PRPF8: variants seen among roughly 807,000 people sequenced by gnomAD.
PRPF8 encodes pre-mRNA processing factor 8, also known as pre-mRNA-processing-splicing factor 8.
Under a neutral mutation model 285.9 loss-of-function variants are expected in PRPF8, and 64 were observed. The ratio of observed to expected loss-of-function variants is 0.22; its 90% CI spans 0.18 to 0.28. The LOEUF is 0.28. Ranked by LOEUF, PRPF8 falls within the 10% of genes least tolerant of loss-of-function variation. The pLI, the probability that PRPF8 is intolerant of heterozygous loss-of-function variation, is 1.00. For synonymous variants in PRPF8, 1,325 were observed against 1,118.2 expected (o/e 1.18, Z -3.69); for missense variants, 1,426 against 3,026.7 (o/e 0.47, Z 12.41).
In PRPF8 at chr17:1,659,607, A is replaced by T; in HGVS notation, c.4947-59T>A. The T allele has an allele frequency of 1.9e-6, 3 of 1,594,984 alleles. No individual in the cohort carries two copies. The South Asian group carries it at 3.3e-5, about 18-fold the overall frequency. ...CCATGGGCATAACCAATGTCCCCAG[A>T]ACCAGAACCACTTAAATCCCAAAAC... On this transcript the variant is annotated intron_variant, in intron 31 of 42. Transcript: ENST00000304992. The surrounding 1 kb of genome is among the most constrained non-coding windows in gnomAD (Gnocchi z 5.1).
intron 24 of PRPF8, among the ~76,000 whole-genome samples, chr17:1,665,559 G>A (rs1911925252): frequency 6.7e-6 from 1 of 150,242 alleles, no homozygotes; most frequent in Admixed American, 6.7e-5. Flanking sequence ...AACGAGAAAG[G>A]TCAGCTGGGC....
At chr17:1,663,806 G>C (rs927423289) in intron 24 of PRPF8, among the ~76,000 whole-genome samples, 59 of 137,552 alleles carry the variant, frequency 4.3e-4, no homozygotes, top group African/African-American at 1.6e-3. Flanking sequence ...ACAGTAAAAA[G>C]ATGGAAAAAT....
rs1256709456 is a variant in PRPF8, at chr17:1,684,467, C to A, written c.100+5G>T. The A allele has an allele frequency of 1.9e-6, 3 of 1,612,508 alleles. No homozygotes were observed. The African/African-American group carries it at 4.0e-5, about 22-fold the overall frequency. The stretch of plus-strand genomic sequence containing the variant: ...CCCGCGCGCCGCTCCACACTCTCGC[C>A]TCACCTTTCTCCTGCAGCTTCTCCT... On this transcript the variant is annotated splice_donor_5th_base_variant and intron_variant, in intron 2 of 42. Transcript: ENST00000304992.
Position 1,651,832 on chromosome 17 carries a change from G to T in PRPF8, c.6370-44C>A. 6.2e-7 allele frequency: 1 copy of T among 1,605,398 alleles called. No individual in the cohort carries two copies. The highest frequency in any genetic ancestry group is 8.5e-7 in the Non-Finnish European group (1 of 1,172,918). ...GGAACCAAAACTCTTCTTAGTACCA[G>T]GTCAGAGTTGGAGCTGCCAGCCCTC... is the stretch of plus-strand genomic sequence containing the variant. On this transcript the variant is annotated intron_variant, in intron 39 of 42. Transcript: ENST00000304992. This position sits in a 1 kb window ranked among gnomAD's most constrained non-coding sequence, Gnocchi z 5.1.
In PRPF8 at chr17:1,676,198, A is replaced by G. The variant is rs752326442; in HGVS notation, c.2552+9T>C. ...TTCCCAGCAGGAACCTATCTACCCT[A>G]CTACTCACCTATAAGCTTCCTTGAG... is the stretch of plus-strand genomic sequence containing the variant. On this transcript the variant is annotated intron_variant, in intron 17 of 42. Transcript: ENST00000304992. This position sits in a 1 kb window ranked among gnomAD's most constrained non-coding sequence, Gnocchi z 6.3. The G allele has an allele frequency of 1.2e-6, 2 of 1,613,288 alleles. No homozygotes were observed. The highest frequency in any genetic ancestry group is 3.3e-5 in the Admixed American group (2 of 60,006).
At chr17:1,677,773 C>T in intron 13 of PRPF8, 79 bp from the exon 14 acceptor site, 1 of 1,549,066 alleles carries the variant, frequency 6.5e-7, no homozygotes, top group African/African-American at 1.4e-5. Flanking sequence ...AGAGGTGGGG[C>T]ATATATGTAT....
chr17:1,683,814 G>A (rs62089993), intron 2 of PRPF8, 113 bp from the exon 3 acceptor site: 3 of 1,268,590 alleles, frequency 2.4e-6, no homozygotes, highest in South Asian at 1.3e-5. Flanking sequence ...GGCACCAGCA[G>A]GAAGAAGCAC....
chr17:1,675,050 G>A lies in PRPF8; in HGVS notation c.3060+102C>T. 4 of 1,397,594 alleles carry A rather than the reference G, an allele frequency of 2.9e-6. No individual in the cohort carries two copies. In the South Asian group the frequency reaches 3.5e-5, roughly 12 times the overall value. The allele number at this position is 1,397,594 out of a possible 1,614,324, so 86.6% of individuals were successfully genotyped here. ...AGCCTCCCAAAGTGCTGGGATTACA[G>A]GCATGAGCCACCGCACCCAGCCTCC... On this transcript the variant is annotated intron_variant, in intron 20 of 42. Coordinates refer to ENST00000304992, the MANE Select transcript of PRPF8 (RefSeq NM_006445.4). This position sits in a 1 kb window ranked among gnomAD's most constrained non-coding sequence, Gnocchi z 6.0.
At chr17:1,652,545 T>C (rs1327173999) in intron 39 of PRPF8, among the ~76,000 whole-genome samples, 10 of 152,126 alleles carry the variant, frequency 6.6e-5, no homozygotes, top group South Asian at 2.1e-4. Context: ...AGTAAAGTTA[T>C]GCATCTTTTC....
At chr17:1,665,365 C>T (rs142583593) in intron 24 of PRPF8, among the ~76,000 whole-genome samples, 3,828 of 150,312 alleles carry the variant, frequency 0.025, 72 homozygotes, top group Middle Eastern at 0.041. Context: ...CGGTGAAACC[C>T]GTCTCTACTA....
chr17:1,672,881 A>C (rs984855794), intron 24 of PRPF8, 200 bp downstream of exon 24: 8 of 629,904 alleles, frequency 1.3e-5, no homozygotes, highest in Non-Finnish European at 2.0e-5. Flanking sequence ...AGGAGGCTAC[A>C]CAATTTCTAC....
chr17:1,650,728 C>A lies in PRPF8; in HGVS notation c.*74G>T. On this transcript the variant is annotated 3_prime_UTR_variant, in exon 43 of 43. Transcript: ENST00000304992. ...AGACAGAGGGAAAGAGGCCAAACTG[C>A]TGAATGTCAGCGGCCTGTCTGGAGG... 1 of 1,573,294 alleles carries A rather than the reference C, an allele frequency of 6.4e-7. No homozygotes were observed. Among genetic ancestry groups the A allele is most frequent in the Non-Finnish European group, 8.7e-7 (1 of 1,144,900 alleles).
chr17:1,656,234 T>C (rs1023058293), intron 36 of PRPF8, among the ~76,000 whole-genome samples, 158 bp downstream of exon 36: 4 of 152,156 alleles, frequency 2.6e-5, no homozygotes, highest in Non-Finnish European at 5.9e-5. Context: ...CAAGAGTTGA[T>C]TTTTAACTTT....
At chr17:1,668,899 T>C (rs911775366) in intron 24 of PRPF8, among the ~76,000 whole-genome samples, 2 of 152,060 alleles carry the variant, frequency 1.3e-5, no homozygotes, top group Non-Finnish European at 2.9e-5. Context: ...CATACCCTAA[T>C]ACCATGAAAT....
chr17:1,679,339 T>C lies in PRPF8; in HGVS notation c.1361A>G (p.Tyr454Cys), dbSNP rs746291879. 3.1e-6 allele frequency: 5 copies of C among 1,614,054 alleles called. No homozygotes were observed. Among genetic ancestry groups the C allele is most frequent in the South Asian group, 1.1e-5 (1 of 91,078 alleles). Residue 454 changes from tyrosine (Y) to cysteine (C), a missense_variant, in exon 10 of 43, where the codon TAT becomes TGT. Physicochemically the swap from Tyr to Cys is radical, Grantham distance 194. Coordinates refer to ENST00000304992, the MANE Select transcript of PRPF8 (RefSeq NM_006445.4). This position sits in a 1 kb window ranked among gnomAD's most constrained non-coding sequence, Gnocchi z 4.7. Reference sequence around the variant, plus strand: ...CCGATGCTTCAGGGCATTCAGCACATAGTACTTAAGCAGCTTCTGGTAGGA... The same window carrying C: ...CCGATGCTTCAGGGCATTCAGCACACAGTACTTAAGCAGCTTCTGGTAGGA... ...RVSYQKLLKY[Y>C]VLNALKHRPP...
At chr17:1,681,443 C>G in intron 6 of PRPF8, 35 bp downstream of exon 6, 6 of 1,533,480 alleles carry the variant, frequency 3.9e-6, no homozygotes, top group Non-Finnish European at 5.4e-6. Flanking sequence ...TCATTCAACT[C>G]AAAATGTCTA....
At chr17:1,681,794 G>A (rs200057106) in intron 5 of PRPF8, 26 bp downstream of exon 5, 18 of 1,612,680 alleles carry the variant, frequency 1.1e-5, no homozygotes, top group Non-Finnish European at 1.5e-5. Flanking sequence ...CTCCTCCCAG[G>A]TGTAGTATCT....
At chr17:1,666,355 C>G (rs1010655923) in intron 24 of PRPF8, among the ~76,000 whole-genome samples, 4 of 151,860 alleles carry the variant, frequency 2.6e-5, no homozygotes, top group Non-Finnish European at 5.9e-5. Flanking sequence ...TCAAGACCAG[C>G]CTGGGCAACA....
chr17:1,656,895 A>G, intron 34 of PRPF8, 134 bp from the exon 35 acceptor site: 1 of 849,648 alleles, frequency 1.2e-6, no homozygotes, highest in Non-Finnish European at 1.9e-6. Flanking sequence ...GGCACTTAGA[A>G]GGTACAAAGA....
Sources: allele counts gnomAD v4.1 joint callset (sites outside exome capture counted in the v4.1 genomes callset), GRCh38; gene constraint gnomAD v4.1.1; non-coding constraint Gnocchi (gnomAD v3.1); transcripts MANE v1.5; gene names NCBI Gene and HGNC (gene_info 2026-07-23, HGNC 2026-07-21).